The following NAV2 variants were observed in gnomAD, a reference collection of about 807,000 sequenced individuals.
NAV2 encodes helicase, APC down-regulated 1.
Under a neutral mutation model 223.2 loss-of-function variants are expected in NAV2, and 54 were observed. That is an observed-to-expected ratio of 0.24 (90% CI 0.19 to 0.30). The LOEUF is 0.30. Ranked by LOEUF, NAV2 falls within the 10% of genes least tolerant of loss-of-function variation. NAV2 has a pLI of 1.00. For missense variants in NAV2, 2,806 were observed against 3,147.5 expected, an observed-to-expected ratio of 0.89 and a Z score of 2.60; for synonymous variants, 1,279 against 1,239.3, an observed-to-expected ratio of 1.03 and a Z score of -0.67.
At chr11:19,709,858 C>A (rs1210916304), upstream of NAV2, among the ~76,000 whole-genome samples, 1 of 151,846 alleles carries the variant, frequency 6.6e-6, no homozygotes, top group Non-Finnish European at 1.5e-5. Flanking sequence ...GAAGAAGAGG[C>A]AGGAAAAGAA....
At chr11:19,834,145 T>G (rs1410257084) in intron 2 of NAV2, among the ~76,000 whole-genome samples, 1 of 152,226 alleles carries the variant, frequency 6.6e-6, no homozygotes, top group African/African-American at 2.4e-5. Flanking sequence ...CGCTGTAAAG[T>G]CTGTCTGCCA....
intron 1 of NAV2, among the ~76,000 whole-genome samples, chr11:19,716,666 T>C (rs959765801): frequency 1.3e-5 from 2 of 152,168 alleles, no homozygotes; most frequent in Non-Finnish European, 2.9e-5. Context: ...ATGTCCACTT[T>C]CTGAGTGCCT....
rs2625339 is a variant in NAV2 at position 19,942,080 on chromosome 11, G to A, written c.2146+2307G>A. ...AGCCCTCCTTGGCAAGGTCCAGATCGCTACAGGTAGACACTAAAGTTTTAA... is the reference window on the plus strand; with the variant it reads ...AGCCCTCCTTGGCAAGGTCCAGATCACTACAGGTAGACACTAAAGTTTTAA... On this transcript the variant is annotated intron_variant, in intron 8 of 37. Coordinates refer to ENST00000349880, the MANE Select transcript of NAV2 (RefSeq NM_145117.5). Among the ~76,000 whole-genome samples the A allele has an allele frequency of 7.9e-3, 1,206 of 152,298 alleles. 18 individuals carry two copies. Among genetic ancestry groups the A allele is most frequent in the African/African-American group, 0.025 (1,058 of 41,558 alleles).
chr11:19,427,253 A>T (rs1418344926), intron 1 of NAV2, among the ~76,000 whole-genome samples: 4 of 152,230 alleles, frequency 2.6e-5, no homozygotes. Flanking sequence ...CAATACTCTC[A>T]CACTTGACGT....
chr11:19,872,510 G>A (rs545033712), intron 4 of NAV2, among the ~76,000 whole-genome samples: 2 of 152,380 alleles, frequency 1.3e-5, no homozygotes, highest in East Asian at 3.9e-4. Flanking sequence ...GCAGTGTGGT[G>A]TATTAAAAAG....
intron 1 of NAV2, among the ~76,000 whole-genome samples, chr11:19,528,119 G>A (rs902034959): frequency 2.6e-5 from 4 of 152,094 alleles, no homozygotes; most frequent in Admixed American, 6.6e-5. Flanking sequence ...TTTTTGTATC[G>A]AGGAAACATA....
rs567362673 is a variant in NAV2 at position 19,693,561 on chromosome 11, G to A, written c.76-138923G>A. ...AATATATTTAGAAAACATTGCCCTT[G>A]GGGGAAATTGAAAACATTTTTCCTA... On this transcript the variant is annotated intron_variant, in intron 1 of 37. Coordinates refer to the NAV2 transcript ENST00000360655. 2.0e-5 allele frequency among the ~76,000 whole-genome samples: 3 copies of A among 152,284 alleles called. No homozygotes were observed. In the South Asian group the frequency reaches 6.2e-4, roughly 32 times the overall value.
chr11:20,012,691 A>G (rs2896592), intron 11 of NAV2, among the ~76,000 whole-genome samples: 62 of 2,426 alleles, frequency 0.026, 19 homozygotes, highest in Non-Finnish European at 0.041. Context: ...AAAAAAAAAA[A>G]GAAGGGGGAA....
At chr11:19,682,461 A>G (rs927164726) in intron 1 of NAV2, among the ~76,000 whole-genome samples, 2 of 152,208 alleles carry the variant, frequency 1.3e-5, no homozygotes, top group African/African-American at 4.8e-5. Flanking sequence ...TGCTTTATAT[A>G]CATAGCCCCA....
At chr11:19,477,386 G>A (rs2042150811) in intron 1 of NAV2, among the ~76,000 whole-genome samples, 1 of 152,204 alleles carries the variant, frequency 6.6e-6, no homozygotes, top group Non-Finnish European at 1.5e-5. Flanking sequence ...CATTGAAACA[G>A]TTTATCAGCA....
chr11:20,017,531 A>G (rs2054114626), intron 11 of NAV2, among the ~76,000 whole-genome samples: 1 of 152,084 alleles, frequency 6.6e-6, no homozygotes, highest in South Asian at 2.1e-4. Context: ...TATTTCTGTC[A>G]TCACTTTCCC....
At chr11:19,799,548 G>A (rs530644136) in intron 1 of NAV2, among the ~76,000 whole-genome samples, 9 of 109,648 alleles carry the variant, frequency 8.2e-5, no homozygotes, top group South Asian at 3.2e-4. Flanking sequence ...CAGGACGCCC[G>A]TTATAGTGGT....
chr11:19,377,814 A>T (rs1848693960), intron 1 of NAV2, among the ~76,000 whole-genome samples: 1 of 152,206 alleles, frequency 6.6e-6, no homozygotes, highest in Non-Finnish European at 1.5e-5. Context: ...ATTCCATGAA[A>T]ATTCCCAGGA....
In NAV2 at chr11:20,034,361, T is replaced by G. The variant is rs6483632; in HGVS notation, c.2769-1598T>G. ...AGTTTCGATCAGCAAGTTTTTTTTT[T>G]GTTTTTTTTTTTTTTTTTGTTTGTT... On this transcript the variant is annotated intron_variant, in intron 11 of 37. Transcript: ENST00000349880. Among the ~76,000 whole-genome samples, 390 of 45,188 alleles carry G rather than the reference T, an allele frequency of 8.6e-3. 2 individuals carry two copies. The highest frequency in any genetic ancestry group is 0.019 in the African/African-American group (345 of 18,610). 29.6% of individuals were successfully genotyped at this position (45,188 alleles called of 152,430 possible).
rs116011076 is a variant in NAV2 at position 19,706,964 on chromosome 11, T to C, written c.76-125520T>C. ...TAGCATGTTGATGTACTGATTACCATAGGTAATTACAACACAATGGTATTT... is the reference window on the plus strand; with the variant it reads ...TAGCATGTTGATGTACTGATTACCACAGGTAATTACAACACAATGGTATTT... On this transcript the variant is annotated intron_variant, in intron 1 of 37. Transcript: ENST00000360655. Among the ~76,000 whole-genome samples, 1,373 of 152,280 alleles carry C rather than the reference T, an allele frequency of 9.0e-3. 9 individuals are homozygous for C. Among genetic ancestry groups the C allele is most frequent in the African/African-American group, 0.032 (1,320 of 41,554 alleles).
intron 6 of NAV2, among the ~76,000 whole-genome samples, chr11:19,925,557 C>T (rs537028060): frequency 5.9e-4 from 89 of 152,132 alleles, no homozygotes; most frequent in African/African-American, 2.1e-3. Flanking sequence ...GAGACCAACC[C>T]GGCCAATGTG....
intron 1 of NAV2, among the ~76,000 whole-genome samples, chr11:19,421,269 G>T (rs1263176847): frequency 6.6e-6 from 1 of 152,138 alleles, no homozygotes; most frequent in Non-Finnish European, 1.5e-5. Flanking sequence ...TGCAGTCCAG[G>T]TTCCCATCAC....
At chr11:19,454,863 A>G (rs967811728) in intron 1 of NAV2, among the ~76,000 whole-genome samples, 1 of 152,230 alleles carries the variant, frequency 6.6e-6, no homozygotes, top group Admixed American at 6.5e-5. Context: ...AGGTCCTAAG[A>G]TAAGACAAAA....
intron 19 of NAV2, 78 bp downstream of exon 19, chr11:20,056,035 G>GCTAA: frequency 7.3e-7 from 1 of 1,374,318 alleles, no homozygotes; most frequent in South Asian, 1.3e-5. Flanking sequence ...GGTCCTCTAT[G>GCTAA]CTAAGTTCAC....
Sources: allele counts gnomAD v4.1 joint callset (sites outside exome capture counted in the v4.1 genomes callset), GRCh38; gene constraint gnomAD v4.1.1; transcripts MANE v1.5; gene names NCBI Gene and HGNC (gene_info 2026-07-23, HGNC 2026-07-21).